GCNT2: variants seen among roughly 807,000 people sequenced by gnomAD.
The protein encoded by GCNT2 is glucosaminyl (N-acetyl) transferase 2 (I blood group).
In GCNT2, 34 loss-of-function variants were observed where a neutral mutation model predicts 34.2. The observed-to-expected ratio is 1.00, with a 90% CI of 0.76 to 1.32. The LOEUF is 1.32. Ranked by LOEUF, GCNT2 falls within the 40% of genes most tolerant of loss-of-function variation. GCNT2 has a pLI of 0.00. For missense variants in GCNT2, 584 were observed against 489.4 expected (o/e 1.19, Z -1.82); for synonymous variants, 212 against 188.0 (o/e 1.13, Z -1.04).
At chr6:10,531,252 G>T (rs767542833) in intron 3 of GCNT2, among the ~76,000 whole-genome samples, 9 of 152,140 alleles carry the variant, frequency 5.9e-5, no homozygotes, top group African/African-American at 9.7e-5. Flanking sequence ...TTTGGTCCAA[G>T]TTCCAAATGA....
intron 3 of GCNT2, among the ~76,000 whole-genome samples, chr6:10,600,296 C>A (rs1765038111): frequency 6.6e-6 from 1 of 152,116 alleles, no homozygotes; most frequent in South Asian, 2.1e-4. Flanking sequence ...ACATCAAAGT[C>A]TTATAGGTAT....
At chr6:10,582,037 TA>T (rs1196770011) in intron 3 of GCNT2, 1 of 181,596 alleles carries the variant, frequency 5.5e-6, no homozygotes, top group Non-Finnish European at 1.0e-5. Context: ...ATATGTATTA[TA>T]TGTATATATT....
chr6:10,583,433 C>T (rs999330929), intron 3 of GCNT2, among the ~76,000 whole-genome samples: 20 of 152,150 alleles, frequency 1.3e-4, no homozygotes, highest in Admixed American at 4.6e-4. Flanking sequence ...CTTAACATGC[C>T]TCGTGTGGCT....
chr6:10,523,972 CAAAAAA>C (rs774638226), intron 1 of GCNT2, among the ~76,000 whole-genome samples: 1,705 of 68,384 alleles, frequency 0.025, 37 homozygotes, highest in African/African-American at 0.095. Context: ...GACTCTGTCT[CAAAAAA>C]AAAAAAAAAA....
Position 10,601,940 on chromosome 6 carries a change from C to T in GCNT2, c.926-19411C>T, listed in dbSNP as rs566490350. The stretch of plus-strand genomic sequence containing the variant: ...TGGGCAACAGAGCGAGACTCCATCT[C>T]AAGAAAAAAAAAAAAAAAAACAAAA... On this transcript the variant is annotated intron_variant, in intron 3 of 4. Coordinates refer to ENST00000495262, the MANE Select transcript of GCNT2 (RefSeq NM_145649.5). Among the ~76,000 whole-genome samples, 499 of 62,502 alleles carry T rather than the reference C, an allele frequency of 8.0e-3. 1 individual carries two copies. Among genetic ancestry groups the T allele is most frequent in the African/African-American group, 0.045 (484 of 10,652 alleles). The allele number at this position is 62,502 out of a possible 152,430, so 41.0% of individuals were successfully genotyped here. A position where few individuals can be genotyped will look rare whatever the true frequency, so the allele number is the denominator to read the frequency against.
chr6:10,582,256 A>G (rs1207931900), intron 3 of GCNT2, among the ~76,000 whole-genome samples: 2 of 119,470 alleles, frequency 1.7e-5, no homozygotes, highest in Non-Finnish European at 3.2e-5. Context: ...TATATATAAT[A>G]TATACTATAT....
At chr6:10,601,961 C>CA (rs1178029203) in intron 3 of GCNT2, among the ~76,000 whole-genome samples, 22 of 114,344 alleles carry the variant, frequency 1.9e-4, no homozygotes, top group South Asian at 5.4e-4. Context: ...AAAAAAAAAA[C>CA]AAAAAAAACA....
In GCNT2 at chr6:10,586,293, G is replaced by T. The variant is rs999185747; in HGVS notation, c.926-35058G>T. On this transcript the variant is annotated intron_variant, in intron 3 of 4. Transcript: ENST00000495262. ...TGCATTCCCTTTGGCCTATGTCATGGTCATCCATAAGGACTTTGACACCTT... is the reference window on the plus strand; with the variant it reads ...TGCATTCCCTTTGGCCTATGTCATGTTCATCCATAAGGACTTTGACACCTT... 3 of 1,614,180 alleles carry T rather than the reference G, an allele frequency of 1.9e-6. No individual in the cohort carries two copies. The African/African-American group carries it at 4.0e-5, about 22-fold the overall frequency.
intron 3 of GCNT2, among the ~76,000 whole-genome samples, chr6:10,601,943 G>GAA (rs57927445): frequency 3.2e-4 from 36 of 113,032 alleles, no homozygotes; most frequent in African/African-American, 9.1e-4. Flanking sequence ...TCCATCTCAA[G>GAA]AAAAAAAAAA....
At chr6:10,524,559 G>A (rs1761098163) in intron 1 of GCNT2, among the ~76,000 whole-genome samples, 1 of 152,174 alleles carries the variant, frequency 6.6e-6, no homozygotes, top group African/African-American at 2.4e-5. Flanking sequence ...AAAAGAAATA[G>A]TGATGAGGAT....
rs1304337389 is a variant in GCNT2 at position 10,529,019 on chromosome 6, G to A, written c.108G>A (p.Arg36=). 6.2e-7 allele frequency: 1 copy of A among 1,613,874 alleles called. No homozygotes were observed. ...TATGGGAGAATAAACGTTTTCTGAG[G>A]GCAGCTCTGTCCAATGCTTCACTGT... ...TELWENKRFL[R]AALSNASLLA... is the part of the protein sequence containing the mutation. The change falls in exon 3 of 5, where the codon AGG becomes AGA. Residue 36 remains arginine, a synonymous_variant. Coordinates refer to ENST00000495262, the MANE Select transcript of GCNT2 (RefSeq NM_145649.5).
intron 3 of GCNT2, among the ~76,000 whole-genome samples, chr6:10,591,631 C>A (rs573828401): frequency 6.6e-6 from 1 of 152,202 alleles, no homozygotes; most frequent in Non-Finnish European, 1.5e-5. Flanking sequence ...TTCCTTGCAC[C>A]TGGTGTGAGT....
intron 3 of GCNT2, among the ~76,000 whole-genome samples, chr6:10,582,339 A>ATATT (rs546187638): frequency 7.0e-4 from 67 of 95,340 alleles, no homozygotes; most frequent in African/African-American, 4.1e-3. Flanking sequence ...TATATACTAT[A>ATATT]TAATATATAG....
intron 3 of GCNT2, among the ~76,000 whole-genome samples, chr6:10,536,639 C>T (rs1761768554): frequency 6.6e-6 from 1 of 151,658 alleles, no homozygotes; most frequent in Admixed American, 6.6e-5. Flanking sequence ...TAGGCGTGAG[C>T]TACCGTGCCC....
intron 3 of GCNT2, among the ~76,000 whole-genome samples, chr6:10,572,452 T>A (rs2045684): frequency 0.031 from 4,759 of 152,112 alleles, 236 homozygotes; most frequent in African/African-American, 0.1. Flanking sequence ...GGCCGGGCGC[T>A]GTGGCTCACG....
At chr6:10,574,794 C>T (rs1763722026) in intron 3 of GCNT2, 1 of 609,510 alleles carries the variant, frequency 1.6e-6, no homozygotes, top group South Asian at 1.5e-5. Flanking sequence ...CAGCCTCCTT[C>T]CCACTGGCTC....
rs575036874 is a variant in GCNT2 at position 10,550,137 on chromosome 6, T to A, written c.925+20301T>A. Among the ~76,000 whole-genome samples the A allele has an allele frequency of 3.3e-5, 5 of 152,316 alleles. No individual in the cohort carries two copies. In the East Asian group the frequency reaches 9.7e-4, roughly 29 times the overall value. ...GGCGCAATCTGGGCTCACTGAAACC[T>A]CTGCTTCCCGGGTTCAAGTAATTCT... On this transcript the variant is annotated intron_variant, in intron 3 of 4. Coordinates refer to ENST00000495262, the MANE Select transcript of GCNT2 (RefSeq NM_145649.5).
In GCNT2 at chr6:10,556,375, A is replaced by AG. The variant is rs1491317557; in HGVS notation, c.925+26540dup. On this transcript the variant is annotated intron_variant, in intron 3 of 4. Coordinates refer to ENST00000495262, the MANE Select transcript of GCNT2 (RefSeq NM_145649.5). ...AGAGAAACGAGTGAGTTTGGAAAAA[A>AG]GACTTACAGATTTTGACGGTCTCTT... 3 of 1,611,148 alleles carry AG rather than the reference A, an allele frequency of 1.9e-6. No individual in the cohort carries two copies. In the South Asian group the frequency reaches 3.3e-5, roughly 18 times the overall value.
chr6:10,537,727 C>G (rs201648701), intron 3 of GCNT2, among the ~76,000 whole-genome samples: 2 of 97,030 alleles, frequency 2.1e-5, no homozygotes, highest in African/African-American at 4.1e-5. Context: ...AAAAAAAAAA[C>G]AAAACAAAGA....
Sources: gnomAD v4.1 joint callset for allele counts (sites outside exome capture counted in the v4.1 genomes callset) on GRCh38, gnomAD v4.1.1 for gene constraint, MANE v1.5 for transcripts, NCBI Gene and HGNC (gene_info 2026-07-23, HGNC 2026-07-21) for gene names.